Variants in PACRG observed in about 807,000 individuals in gnomAD.
PACRG encodes parkin coregulated, also known as parkin coregulated gene protein.
In PACRG, 29 loss-of-function variants were observed where a neutral mutation model predicts 29.7. The observed-to-expected ratio is 0.98, with a 90% CI of 0.73 to 1.33. The LOEUF is 1.33. Ranked by LOEUF, PACRG falls within the 40% of genes most tolerant of loss-of-function variation. The pLI is 0.00. For synonymous variants in PACRG, 116 were observed against 118.7 expected (o/e 0.98, Z 0.15); for missense variants, 279 against 316.2 (o/e 0.88, Z 0.89).
intron 1 of PACRG, among the ~76,000 whole-genome samples, chr6:162,798,160 T>A (rs1785538695): frequency 6.6e-6 from 1 of 152,174 alleles, no homozygotes; most frequent in Non-Finnish European, 1.5e-5. Context: ...GGCTTCTGGG[T>A]CTAGGCTTCT....
chr6:163,237,295 C>T (rs970407658), intron 4 of PACRG, among the ~76,000 whole-genome samples: 1 of 152,088 alleles, frequency 6.6e-6, no homozygotes, highest in Non-Finnish European at 1.5e-5. Flanking sequence ...CTTTTGGTCA[C>T]GTGATTGTTC....
chr6:163,215,064 AT>A (rs200656567), intron 4 of PACRG, among the ~76,000 whole-genome samples: 3,051 of 151,062 alleles, frequency 0.02, 30 homozygotes, highest in East Asian at 0.038. Flanking sequence ...CCCATTTGTA[AT>A]TTTTTTTTAT....
chr6:162,949,113 T>C (rs1267772800), intron 2 of PACRG, among the ~76,000 whole-genome samples: 2 of 152,126 alleles, frequency 1.3e-5, no homozygotes, highest in Admixed American at 1.3e-4. Context: ...CCTCAGTATA[T>C]GAATGCATTT....
intron 4 of PACRG, among the ~76,000 whole-genome samples, chr6:163,251,151 G>A (rs1167724025): frequency 1.3e-5 from 2 of 151,776 alleles, no homozygotes; most frequent in Admixed American, 1.3e-4. Context: ...TACATGTTGG[G>A]TGCAGTGTAT....
chr6:163,253,648 C>T (rs1025719832), intron 4 of PACRG, among the ~76,000 whole-genome samples: 14 of 152,140 alleles, frequency 9.2e-5, no homozygotes, highest in African/African-American at 2.9e-4. Flanking sequence ...GAATGTTCCC[C>T]ATCACCTGGC....
chr6:163,274,948 T>C (rs142461646), intron 4 of PACRG, among the ~76,000 whole-genome samples: 1,644 of 149,530 alleles, frequency 0.011, 33 homozygotes, highest in African/African-American at 0.039. Context: ...CTGCAACCTC[T>C]GCTTCCCAAG....
chr6:162,731,654 A>G (rs1426526853), intron 1 of PACRG, among the ~76,000 whole-genome samples: 2 of 152,128 alleles, frequency 1.3e-5, no homozygotes, highest in Non-Finnish European at 2.9e-5. Flanking sequence ...ACAAAAAACA[A>G]AAACAAATCC....
chr6:163,065,327 G>C (rs551966170), intron 3 of PACRG, among the ~76,000 whole-genome samples: 2 of 152,260 alleles, frequency 1.3e-5, no homozygotes, highest in African/African-American at 2.4e-5. Flanking sequence ...CCTCTTACTT[G>C]TCTGGATCGG....
chr6:162,815,220 A>G (rs1162828108), intron 2 of PACRG, among the ~76,000 whole-genome samples: 3 of 152,278 alleles, frequency 2.0e-5, no homozygotes, highest in Non-Finnish European at 4.4e-5. Context: ...TGACACATTT[A>G]ACTGGGAAGT....
intron 4 of PACRG, among the ~76,000 whole-genome samples, chr6:163,263,847 C>A (rs1418359068): frequency 1.3e-5 from 2 of 152,080 alleles, no homozygotes; most frequent in Non-Finnish European, 2.9e-5. Context: ...AAATAAGAAG[C>A]CTGACGTTAC....
chr6:163,125,439 A>G (rs912174546), intron 4 of PACRG, among the ~76,000 whole-genome samples: 9 of 152,252 alleles, frequency 5.9e-5, no homozygotes, highest in Non-Finnish European at 1.3e-4. Context: ...ATACAGTGAA[A>G]AAACTCAATA....
intron 4 of PACRG, among the ~76,000 whole-genome samples, chr6:163,311,992 T>C (rs1785437738): frequency 6.6e-6 from 1 of 152,218 alleles, no homozygotes; most frequent in Admixed American, 6.5e-5. Flanking sequence ...CTGACTCATA[T>C]GCCGACAAAA....
chr6:162,948,602 C>T (rs897650835), intron 2 of PACRG, among the ~76,000 whole-genome samples: 4 of 151,972 alleles, frequency 2.6e-5, no homozygotes, highest in Admixed American at 6.6e-5. Flanking sequence ...GAAGAGACAG[C>T]CTTAAAAATG....
chr6:163,027,229 A>G (rs974386327), intron 2 of PACRG, among the ~76,000 whole-genome samples: 2 of 152,176 alleles, frequency 1.3e-5, no homozygotes, highest in Non-Finnish European at 2.9e-5. Context: ...CCCTGCTTGC[A>G]GGCATTCTGC....
chr6:163,039,513 C>T (rs1466151809), intron 2 of PACRG, among the ~76,000 whole-genome samples: 1 of 152,164 alleles, frequency 6.6e-6, no homozygotes, highest in Non-Finnish European at 1.5e-5. Context: ...TTGGAACTTC[C>T]TAGAGACTTG....
intron 1 of PACRG, among the ~76,000 whole-genome samples, chr6:162,750,910 C>G (rs1007250517): frequency 1.3e-5 from 2 of 152,126 alleles, no homozygotes; most frequent in African/African-American, 4.8e-5. Context: ...TTTCTTGATG[C>G]TTTAGCCACT....
chr6:162,839,660 T>C (rs2128406459), intron 2 of PACRG, among the ~76,000 whole-genome samples: 1 of 152,110 alleles, frequency 6.6e-6, no homozygotes, highest in East Asian at 1.9e-4. Flanking sequence ...AGACATGAAG[T>C]CCTTGCCCAT....
intron 2 of PACRG, among the ~76,000 whole-genome samples, chr6:162,865,007 A>G (rs1291212601): frequency 6.6e-6 from 1 of 152,222 alleles, no homozygotes; most frequent in Non-Finnish European, 1.5e-5. Flanking sequence ...AGAATGATCT[A>G]TAGCTGTTCG....
At chr6:163,098,030 T>A (rs1477590287) in intron 4 of PACRG, among the ~76,000 whole-genome samples, 2 of 152,228 alleles carry the variant, frequency 1.3e-5, no homozygotes, top group Admixed American at 6.5e-5. Context: ...TTTGATTTTC[T>A]ACTTTGTCTG....
Sources: gnomAD v4.1 joint callset for allele counts (sites outside exome capture counted in the v4.1 genomes callset) on GRCh38, gnomAD v4.1.1 for gene constraint, MANE v1.5 for transcripts, NCBI Gene and HGNC (gene_info 2026-07-23, HGNC 2026-07-21) for gene names.